The following PPM1L variants were observed in gnomAD, a reference collection of about 807,000 sequenced individuals.
PPM1L encodes protein phosphatase 1L.
Under a neutral mutation model 31.4 loss-of-function variants are expected in PPM1L, and 13 were observed. That is an observed-to-expected ratio of 0.41 (90% CI 0.27 to 0.66). The LOEUF is 0.66. Ranked by LOEUF, PPM1L falls within the 30% of genes least tolerant of loss-of-function variation. PPM1L has a pLI of 0.29. For synonymous variants in PPM1L, 184 were observed against 175.4 expected (o/e 1.05, Z -0.39); for missense variants, 326 against 453.7 (o/e 0.72, Z 2.56).
chr3:161,021,354 A>G (rs1405428127), intron 2 of PPM1L, among the ~76,000 whole-genome samples: 1 of 151,912 alleles, frequency 6.6e-6, no homozygotes, highest in Non-Finnish European at 1.5e-5. Context: ...TTATTCTGCT[A>G]TTGATTTCTA....
intron 1 of PPM1L, among the ~76,000 whole-genome samples, chr3:160,858,919 A>G (rs1395217718): frequency 6.6e-6 from 1 of 151,948 alleles, no homozygotes; most frequent in Non-Finnish European, 1.5e-5. Flanking sequence ...ACTGGGTCCA[A>G]CCCAGTCTGT....
At chr3:160,864,959 C>G (rs1560131157) in intron 1 of PPM1L, among the ~76,000 whole-genome samples, 1 of 152,174 alleles carries the variant, frequency 6.6e-6, no homozygotes, top group Non-Finnish European at 1.5e-5. Flanking sequence ...CATGTGTTGT[C>G]TGCAGATGAA....
chr3:161,057,126 G>A (rs571521575), intron 2 of PPM1L, among the ~76,000 whole-genome samples: 6 of 152,200 alleles, frequency 3.9e-5, no homozygotes, highest in South Asian at 2.1e-4. Flanking sequence ...GGGAGTTTCA[G>A]CCTAATGGGT....
intron 1 of PPM1L, among the ~76,000 whole-genome samples, chr3:160,781,921 A>G (rs570730663): frequency 8.5e-5 from 13 of 152,276 alleles, no homozygotes; most frequent in African/African-American, 2.4e-4. Context: ...AATACTGTAT[A>G]TGTATTTCAG....
chr3:161,056,569 C>A (rs568800775), intron 2 of PPM1L, among the ~76,000 whole-genome samples: 1 of 152,080 alleles, frequency 6.6e-6, no homozygotes, highest in East Asian at 1.9e-4. Context: ...CAAGATAGCC[C>A]TGTTAATATT....
intron 2 of PPM1L, among the ~76,000 whole-genome samples, chr3:161,011,181 A>G (rs1201883456): frequency 1.3e-5 from 2 of 152,174 alleles, no homozygotes; most frequent in Admixed American, 6.5e-5. Context: ...TCCATCTTGA[A>G]TTAATTTTTG....
intron 1 of PPM1L, among the ~76,000 whole-genome samples, chr3:160,838,006 G>T (rs921498182): frequency 3.3e-5 from 5 of 152,138 alleles, no homozygotes; most frequent in African/African-American, 9.7e-5. Context: ...TGTGGTTTAG[G>T]TTCATGGGGT....
intron 1 of PPM1L, among the ~76,000 whole-genome samples, chr3:160,903,194 G>GTGT (rs1553819647): frequency 8.7e-4 from 83 of 95,532 alleles, no homozygotes; most frequent in African/African-American, 2.1e-3. Flanking sequence ...TGTGTGTGTG[G>GTGT]TATGTGTGTA....
chr3:160,796,398 C>T (rs1013981636), intron 1 of PPM1L, among the ~76,000 whole-genome samples: 2 of 152,140 alleles, frequency 1.3e-5, no homozygotes, highest in African/African-American at 4.8e-5. Flanking sequence ...CTGCCCTAAC[C>T]ATTACCCTTA....
intron 2 of PPM1L, among the ~76,000 whole-genome samples, chr3:161,052,283 T>C (rs555140070): frequency 1.2e-4 from 18 of 152,292 alleles, no homozygotes; most frequent in African/African-American, 2.9e-4. Context: ...CATCAAAGAC[T>C]CCCTCTTGGT....
At chr3:160,870,209 A>G (rs1712253550) in intron 1 of PPM1L, among the ~76,000 whole-genome samples, 1 of 152,134 alleles carries the variant, frequency 6.6e-6, no homozygotes, top group South Asian at 2.1e-4. Context: ...GGCTCATAGG[A>G]CAGAGTGCTA....
intron 2 of PPM1L, among the ~76,000 whole-genome samples, chr3:161,056,797 C>T (rs1384283309): frequency 6.6e-6 from 1 of 152,128 alleles, no homozygotes; most frequent in Non-Finnish European, 1.5e-5. Context: ...CACGTTGGCT[C>T]ACCCCTGTAA....
chr3:160,964,432 C>G (rs967457304), intron 2 of PPM1L, among the ~76,000 whole-genome samples: 1 of 151,838 alleles, frequency 6.6e-6, no homozygotes, highest in Non-Finnish European at 1.5e-5. Context: ...AGTGGACCAT[C>G]ATAAAGGTCT....
chr3:160,873,017 G>T (rs949693155), intron 1 of PPM1L, among the ~76,000 whole-genome samples: 7 of 152,184 alleles, frequency 4.6e-5, no homozygotes, highest in African/African-American at 1.7e-4. Context: ...AGAAGTTTGT[G>T]AAGTATTTAG....
chr3:160,985,979 C>CCA (rs1553752454), intron 2 of PPM1L, among the ~76,000 whole-genome samples: 1 of 37,240 alleles, frequency 2.7e-5, no homozygotes, highest in Admixed American at 2.6e-4. Context: ...TCTCCACCCA[C>CCA]CCAAAAAAAA....
intron 2 of PPM1L, among the ~76,000 whole-genome samples, chr3:160,994,125 G>A (rs757747315): frequency 4.6e-5 from 7 of 151,994 alleles, no homozygotes; most frequent in Non-Finnish European, 1.0e-4. Flanking sequence ...AAATATACTT[G>A]ATGAATTATT....
rs186776416 is a variant in PPM1L at position 160,973,509 on chromosome 3, G to A, written c.574+11599G>A. Among the ~76,000 whole-genome samples, 81 of 152,290 alleles carry A rather than the reference G, an allele frequency of 5.3e-4. 1 individual carries two copies. The highest frequency in any genetic ancestry group is 1.8e-3 in the African/African-American group (74 of 41,562). ...AAATTTTAATGACATACACATTAATGGTAAGACCTTCAGTTTATAGAGAAA... is the reference window on the plus strand; with the variant it reads ...AAATTTTAATGACATACACATTAATAGTAAGACCTTCAGTTTATAGAGAAA... On this transcript the variant is annotated intron_variant, in intron 2 of 3. Transcript: ENST00000498165.
chr3:160,799,533 T>C (rs981119536), intron 1 of PPM1L, among the ~76,000 whole-genome samples: 1 of 152,252 alleles, frequency 6.6e-6, no homozygotes, highest in African/African-American at 2.4e-5. Flanking sequence ...GACTACAATA[T>C]AGTGTAAACA....
chr3:160,774,428 G>A (rs551729030), intron 1 of PPM1L, among the ~76,000 whole-genome samples: 12 of 152,120 alleles, frequency 7.9e-5, no homozygotes, highest in Admixed American at 1.3e-4. Context: ...TCTTCAATCC[G>A]CTCAGTGATG....
Sources: gnomAD v4.1 joint callset for allele counts (sites outside exome capture counted in the v4.1 genomes callset) on GRCh38, gnomAD v4.1.1 for gene constraint, MANE v1.5 for transcripts, NCBI Gene and HGNC (gene_info 2026-07-23, HGNC 2026-07-21) for gene names.